Variants in PCDHA9 observed in about 807,000 individuals in gnomAD.
PCDHA9 encodes the protein protocadherin alpha 9, also known as protocadherin alpha-9.
A neutral mutation model predicts 62.0 loss-of-function variants in PCDHA9; 62 were observed. The ratio of observed to expected loss-of-function variants is 1.00; its 90% CI spans 0.81 to 1.23. PCDHA9 has a LOEUF of 1.23. Among genes scored for constraint, PCDHA9 ranks in the 50% most tolerant of loss-of-function variants. The pLI is 0.00. For missense variants in PCDHA9, 1,205 were observed against 1,249.8 expected (o/e 0.96, Z 0.54); for synonymous variants, 557 against 567.6 (o/e 0.98, Z 0.27).
chr5:140,875,632 C>G, intron 1 of PCDHA9: 1 of 1,613,710 alleles, frequency 6.2e-7, no homozygotes, highest in Non-Finnish European at 8.5e-7. Flanking sequence ...GGACCTGGGG[C>G]TGGAGCTGGC....
Position 140,952,580 on chromosome 5 carries a change from A to G in PCDHA9, c.2395-26369A>G, listed in dbSNP as rs538999222. ...ATCAGCACTTCGGTCCCAATCATTCAAGTAGTCTCTAGGAAGTTCTAAGCT... is the reference window on the plus strand; with the variant it reads ...ATCAGCACTTCGGTCCCAATCATTCGAGTAGTCTCTAGGAAGTTCTAAGCT... On this transcript the variant is annotated intron_variant, in intron 1 of 3. Transcript: ENST00000532602. Among the ~76,000 whole-genome samples the G allele has an allele frequency of 2.0e-4, 30 of 152,248 alleles. No homozygotes were observed. In the South Asian group the frequency reaches 2.3e-3, roughly 12 times the overall value.
intron 1 of PCDHA9, among the ~76,000 whole-genome samples, chr5:140,918,680 C>T (rs1291001659): frequency 6.6e-6 from 1 of 152,084 alleles, no homozygotes; most frequent in Non-Finnish European, 1.5e-5. Flanking sequence ...GAGGTGAGAC[C>T]TTTCAAACAT....
rs2098422397 is a variant in PCDHA9 at position 141,011,934 on chromosome 5, T to C, written c.*1997T>C. The C allele has an allele frequency of 6.5e-6, 1 of 153,836 alleles. No homozygotes were observed. The highest frequency in any genetic ancestry group is 6.5e-5 in the Admixed American group (1 of 15,306). The allele number at this position is 153,836 out of a possible 1,614,324, so 9.5% of individuals were successfully genotyped here. On this transcript the variant is annotated 3_prime_UTR_variant, in exon 4 of 4. Transcript: ENST00000532602. ...TAATATAAAAGAGGTAGGAGTCTGT[T>C]ATTTAAAAAAAGCATTAAATTTAAA...
intron 1 of PCDHA9, chr5:140,871,299 G>A (rs782459625): frequency 1.9e-6 from 3 of 1,613,916 alleles, no homozygotes; most frequent in South Asian, 1.1e-5. Context: ...GCGCGTGCGC[G>A]CCGGGGAAGC....
intron 1 of PCDHA9, among the ~76,000 whole-genome samples, chr5:140,963,057 A>G (rs1004095673): frequency 1.3e-5 from 2 of 152,186 alleles, no homozygotes; most frequent in African/African-American, 4.8e-5. Context: ...AAGGGTTTCT[A>G]CATTGTGAAG....
chr5:140,887,238 C>A (rs1191260946), intron 1 of PCDHA9, among the ~76,000 whole-genome samples: 3 of 151,738 alleles, frequency 2.0e-5, no homozygotes, highest in African/African-American at 4.8e-5. Flanking sequence ...CTGAGACTAC[C>A]GGCGCCCGCC....
chr5:140,989,240 C>T (rs1180879985), intron 3 of PCDHA9, among the ~76,000 whole-genome samples: 1 of 152,152 alleles, frequency 6.6e-6, no homozygotes, highest in Non-Finnish European at 1.5e-5. Flanking sequence ...AAGTTTTAAG[C>T]CCCTTGTCAA....
At chr5:140,870,938 C>G in intron 1 of PCDHA9, 1 of 1,613,724 alleles carries the variant, frequency 6.2e-7, no homozygotes, top group Non-Finnish European at 8.5e-7. Flanking sequence ...GAATTGCAGC[C>G]GGCGGCGGGC....
intron 1 of PCDHA9, among the ~76,000 whole-genome samples, chr5:140,944,057 G>A (rs1394005045): frequency 1.3e-5 from 2 of 152,130 alleles, no homozygotes; most frequent in African/African-American, 4.8e-5. Context: ...GATACAAAAA[G>A]GTTTCTTGTT....
chr5:140,963,288 G>A (rs908553196), intron 1 of PCDHA9, among the ~76,000 whole-genome samples: 2 of 152,126 alleles, frequency 1.3e-5, no homozygotes, highest in Non-Finnish European at 2.9e-5. Flanking sequence ...ATTTTATAAG[G>A]AGGAGAGAAA....
intron 3 of PCDHA9, among the ~76,000 whole-genome samples, chr5:141,007,395 CAAA>C (rs35800918): frequency 0.057 from 5,421 of 94,854 alleles, 127 homozygotes; most frequent in South Asian, 0.13. Context: ...TACTAAAATA[CAAA>C]AAAAAAAAAA....
chr5:140,933,388 GCCATCTGGTTA>G (rs1563137793), intron 1 of PCDHA9, among the ~76,000 whole-genome samples: 2 of 151,906 alleles, frequency 1.3e-5, no homozygotes, highest in Non-Finnish European at 2.9e-5. Context: ...TGTTCCTAGA[GCCATCTGGTTA>G]CCATCTACAG....
intron 1 of PCDHA9, chr5:140,864,834 A>T (rs2048619369): frequency 6.6e-6 from 1 of 152,166 alleles, no homozygotes; most frequent in African/African-American, 2.4e-5. Context: ...TTTAAGTATA[A>T]GAGAGTCTTC....
chr5:140,899,465 T>C (rs1291429349), intron 1 of PCDHA9, among the ~76,000 whole-genome samples: 2 of 152,232 alleles, frequency 1.3e-5, no homozygotes, highest in African/African-American at 4.8e-5. Context: ...GTTTTTGTCT[T>C]TGGTTCTGTT....
intron 1 of PCDHA9, among the ~76,000 whole-genome samples, chr5:140,910,282 T>C (rs557559116): frequency 1.3e-5 from 2 of 152,300 alleles, no homozygotes; most frequent in East Asian, 1.9e-4. Context: ...AGGAACACCA[T>C]GATTAATCAA....
intron 1 of PCDHA9, among the ~76,000 whole-genome samples, chr5:140,874,530 G>A (rs1332198120): frequency 1.3e-5 from 2 of 152,200 alleles, no homozygotes; most frequent in Admixed American, 1.3e-4. Flanking sequence ...ATGAGATTAG[G>A]CTCCAAAACC....
chr5:140,969,184 C>A (rs1381646688), intron 1 of PCDHA9: 1 of 1,613,998 alleles, frequency 6.2e-7, no homozygotes, highest in Non-Finnish European at 8.5e-7. Flanking sequence ...GTGACACTTT[C>A]ATGTTTTACA....
At chr5:140,863,749 G>C (rs1346198553) in intron 1 of PCDHA9, 1 of 245,376 alleles carries the variant, frequency 4.1e-6, no homozygotes, top group Non-Finnish European at 8.0e-6. Flanking sequence ...TTGTAATCCC[G>C]GCACTTTGGG....
chr5:140,882,164 C>T (rs2058984922), intron 1 of PCDHA9: 2 of 1,509,832 alleles, frequency 1.3e-6, no homozygotes. Flanking sequence ...ATACCTCTTG[C>T]GAATCCTTCC....
Sources: gnomAD v4.1 joint callset for allele counts (sites outside exome capture counted in the v4.1 genomes callset) on GRCh38, gnomAD v4.1.1 for gene constraint, MANE v1.5 for transcripts, NCBI Gene and HGNC (gene_info 2026-07-23, HGNC 2026-07-21) for gene names.